MEIS3: variants seen among roughly 807,000 people sequenced by gnomAD.
The protein encoded by MEIS3 is Meis homeobox 3.
In MEIS3, 38 loss-of-function variants were observed where a neutral mutation model predicts 51.4. The ratio of observed to expected loss-of-function variants is 0.74; its 90% CI spans 0.57 to 0.97. The LOEUF (loss-of-function observed/expected upper bound fraction) is 0.97, where lower values mean the gene tolerates loss of function less well. MEIS3 is among the 50% of genes least tolerant of loss of function. The pLI, the probability that MEIS3 is intolerant of heterozygous loss-of-function variation, is 0.00. For synonymous variants in MEIS3, 198 were observed against 201.8 expected, an observed-to-expected ratio of 0.98 and a Z score of 0.16; for missense variants, 456 against 502.6, an observed-to-expected ratio of 0.91 and a Z score of 0.89.
chr19:47,411,154 C>G (rs1041569801), intron 6 of MEIS3, among the ~76,000 whole-genome samples: 2 of 152,092 alleles, frequency 1.3e-5, no homozygotes, highest in Non-Finnish European at 2.9e-5. Flanking sequence ...CCAGGCTGGT[C>G]TCGAACTCCT....
chr19:47,406,246 GTAGATGGATGGATACATGGAGGAGGAGGA>G, intron 12 of MEIS3, 185 bp downstream of exon 12: 1 of 495,242 alleles, frequency 2.0e-6, no homozygotes, highest in Non-Finnish European at 3.6e-6. Flanking sequence ...GAGTGAGTGG[GTAGATGGATGGATACATGGAGGAGGAGGA>G]TGGATGGATG....
At chr19:47,417,113 CAGGGAGCAA>C in intron 2 of MEIS3, 56 bp downstream of exon 2, 4 of 1,541,424 alleles carry the variant, frequency 2.6e-6, no homozygotes, top group Non-Finnish European at 2.6e-6. Flanking sequence ...GAAGCAGACC[CAGGGAGCAA>C]AGAAGCAGAA....
At chr19:47,416,593 GGGC>G in intron 4 of MEIS3, 56 bp downstream of exon 4, 1 of 1,365,816 alleles carries the variant, frequency 7.3e-7, no homozygotes, top group Non-Finnish European at 9.9e-7. Context: ...CCCAGGGATG[GGGC>G]GTCAGGGAAG....
intron 6 of MEIS3, 124 bp downstream of exon 6, chr19:47,414,593 G>T: frequency 8.6e-7 from 1 of 1,158,992 alleles, no homozygotes. Flanking sequence ...GTGTGCATAT[G>T]CGTGCCCTGT....
intron 6 of MEIS3, among the ~76,000 whole-genome samples, chr19:47,410,341 G>A (rs1417379269): frequency 6.6e-6 from 1 of 151,478 alleles, no homozygotes. Context: ...CCAGCTACTC[G>A]GGAGGCTGAG....
intron 6 of MEIS3, among the ~76,000 whole-genome samples, chr19:47,413,483 T>C (rs1433235092): frequency 6.6e-6 from 1 of 151,418 alleles, no homozygotes; most frequent in Non-Finnish European, 1.5e-5. Flanking sequence ...TGAGGTGGTG[T>C]GGAGTGGGTG....
intron 1 of MEIS3, chr19:47,418,810 CAG>C: frequency 5.7e-6 from 2 of 353,172 alleles, no homozygotes; most frequent in Non-Finnish European, 9.8e-6. Flanking sequence ...GTGGGGCAGA[CAG>C]AGGGGGACAG....
upstream of MEIS3, among the ~76,000 whole-genome samples, chr19:47,421,477 G>C (rs940799208): frequency 6.6e-6 from 1 of 152,134 alleles, no homozygotes; most frequent in Non-Finnish European, 1.5e-5. Context: ...GATCCACCTT[G>C]GGTTCCTCCT....
Position 47,406,891 on chromosome 19 carries a change from G to T in MEIS3, c.1075C>A (p.Pro359Thr). 1 of 1,570,504 alleles carries T rather than the reference G, an allele frequency of 6.4e-7. No individual in the cohort carries two copies. Among genetic ancestry groups the T allele is most frequent in the Non-Finnish European group, 8.6e-7 (1 of 1,160,662 alleles). Residue 359 changes from proline to threonine, a missense_variant, in exon 11 of 13, where the codon CCG becomes ACG. Coordinates refer to ENST00000558555, the MANE Select transcript of MEIS3 (RefSeq NM_001301059.2). ...ETQPHVAVRP[P>T]GSVGMSLNLE... ...TAGCTAAGGGGGCGAGGCTTACCCG[G>T]AGGCCGGACGGCCACGTGTGGCTGC...
rs955439202 is a variant in MEIS3, at chr19:47,405,236, A to G, written c.*17+1224T>C. Among the ~76,000 whole-genome samples the G allele has an allele frequency of 2.0e-3, 300 of 152,338 alleles. 3 individuals carry two copies. The highest frequency in any genetic ancestry group is 0.02 in the Admixed American group (299 of 15,290). Reference sequence around the variant, plus strand: ...ATCGTTGTAAGGACTAAATGAGAAGATGCTCTAAAGTGCCGCCATCATACC... The same window carrying G: ...ATCGTTGTAAGGACTAAATGAGAAGGTGCTCTAAAGTGCCGCCATCATACC... On this transcript the variant is annotated intron_variant, in intron 12 of 12. Transcript: ENST00000558555.
At chr19:47,415,127 G>T in intron 4 of MEIS3, 26 bp from the exon 5 acceptor site, 3 of 1,262,022 alleles carry the variant, frequency 2.4e-6, no homozygotes, top group Non-Finnish European at 3.2e-6. Flanking sequence ...GGAGGTGGGG[G>T]GAGACAGAGG....
upstream of MEIS3, among the ~76,000 whole-genome samples, chr19:47,420,906 TCTCTCACACA>T (rs1206062866): frequency 1.1e-5 from 1 of 91,668 alleles, no homozygotes; most frequent in African/African-American, 3.8e-5. Flanking sequence ...TCTCTCTCTC[TCTCTCACACA>T]CACACACACA....
In MEIS3 at chr19:47,417,249, G is replaced by A; in HGVS notation, c.114C>T (p.His38=). ...VPAVPGPYGP[H]RPPQPLPPGL... The stretch of plus-strand genomic sequence containing the variant: ...CTGGGGGCAGGGGCTGGGGAGGCCG[G>A]TGCGGGCCATAGGGCCCTGGTACTG... Residue 38 remains histidine, a synonymous_variant, in exon 2 of 13, where the codon CAC becomes CAT. Coordinates refer to ENST00000558555, the MANE Select transcript of MEIS3 (RefSeq NM_001301059.2). 1.2e-6 allele frequency: 2 copies of A among 1,607,946 alleles called. No individual in the cohort carries two copies. The highest frequency in any genetic ancestry group is 1.7e-6 in the Non-Finnish European group (2 of 1,177,220).
rs779462433 is a variant in MEIS3 at position 47,406,516 on chromosome 19, C to T, written c.1089G>A (p.Gly363=). 1.2e-6 allele frequency: 2 copies of T among 1,613,986 alleles called. No individual in the cohort carries two copies. The highest frequency in any genetic ancestry group is 1.7e-6 in the Non-Finnish European group (2 of 1,179,964). The change falls in exon 12 of 13, where the codon GGG becomes GGA. Residue 363 remains glycine, a synonymous_variant. Coordinates refer to ENST00000558555, the MANE Select transcript of MEIS3 (RefSeq NM_001301059.2). ...ATTCTCCTTCCAAGTTCAAACTCATCCCCACTGATCCTGGAAGACAAAAAA... is the reference window on the plus strand; with the variant it reads ...ATTCTCCTTCCAAGTTCAAACTCATTCCCACTGATCCTGGAAGACAAAAAA... The part of the protein sequence containing the change: ...HVAVRPPGSV[G]MSLNLEGEWH...
At chr19:47,408,536 G>A (rs1568421491) in intron 8 of MEIS3, among the ~76,000 whole-genome samples, 1 of 151,912 alleles carries the variant, frequency 6.6e-6, no homozygotes, top group Non-Finnish European at 1.5e-5. Flanking sequence ...CCCTGCCTCC[G>A]AGTTTCTGTC....
chr19:47,406,156 G>A (rs1970805435), intron 12 of MEIS3: 2 of 287,320 alleles, frequency 7.0e-6, no homozygotes, highest in African/African-American at 2.2e-5. Flanking sequence ...TGAGTGGGTA[G>A]GTGGGTGGAC....
upstream of MEIS3, among the ~76,000 whole-genome samples, chr19:47,421,491 C>T (rs1203303239): frequency 6.6e-6 from 1 of 152,102 alleles, no homozygotes; most frequent in Admixed American, 6.6e-5. Flanking sequence ...TCCTCCTGTC[C>T]TCTCTCTCGG....
chr19:47,411,801 A>G (rs949865264), intron 6 of MEIS3, among the ~76,000 whole-genome samples: 1 of 151,572 alleles, frequency 6.6e-6, no homozygotes, highest in Non-Finnish European at 1.5e-5. Context: ...CAGACTCACA[A>G]ATCGCTGGGA....
intron 12 of MEIS3, among the ~76,000 whole-genome samples, chr19:47,404,578 C>T (rs939904770): frequency 1.3e-5 from 2 of 152,146 alleles, no homozygotes; most frequent in African/African-American, 2.4e-5. Context: ...GGCCTTGGCA[C>T]GTGCTATTCC....
Sources: allele counts gnomAD v4.1 joint callset (sites outside exome capture counted in the v4.1 genomes callset), GRCh38; gene constraint gnomAD v4.1.1; transcripts MANE v1.5; gene names NCBI Gene and HGNC (gene_info 2026-07-23, HGNC 2026-07-21).